CPEB1: variants seen among roughly 807,000 people sequenced by gnomAD.
CPEB1 encodes cytoplasmic polyadenylation element-binding protein 1.
Under a neutral mutation model 65.8 loss-of-function variants are expected in CPEB1, and 7 were observed. The observed-to-expected ratio is 0.11, with a 90% confidence interval of 0.06 to 0.20. CPEB1 has a LOEUF of 0.20. Ranked by LOEUF, CPEB1 falls within the 10% of genes least tolerant of loss-of-function variation. CPEB1 has a pLI of 1.00. For synonymous variants in CPEB1, 262 were observed against 260.0 expected (o/e 1.01, Z -0.08); for missense variants, 551 against 712.2 (o/e 0.77, Z 2.58).
intron 1 of CPEB1, among the ~76,000 whole-genome samples, chr15:82,642,775 A>C (rs2047211942): frequency 6.6e-6 from 1 of 152,212 alleles, no homozygotes; most frequent in South Asian, 2.1e-4. Flanking sequence ...GCACATTTGC[A>C]GAACAGGATG....
intron 3 of CPEB1, among the ~76,000 whole-genome samples, chr15:82,621,076 A>C (rs1265210639): frequency 6.6e-6 from 1 of 152,262 alleles, no homozygotes; most frequent in African/African-American, 2.4e-5. Flanking sequence ...TCATGAGAGT[A>C]ATTTCAATCA....
At position 82,573,102 on chromosome 15, in the gene CPEB1, C is replaced by T. The variant is rs1223351863; in HGVS notation, c.272-1570G>A. On this transcript the variant is annotated intron_variant, in intron 3 of 12. Coordinates refer to ENST00000684509, the MANE Select transcript of CPEB1 (RefSeq NM_001365242.1). The stretch of plus-strand genomic sequence containing the variant: ...TACGGGAAGCATGCCCACCTGGGAC[C>T]TCCCATGGCAGGGTCGAGAGAATAA... 2.6e-6 allele frequency: 4 copies of T among 1,535,600 alleles called. No individual in the cohort carries two copies. The Admixed American group carries it at 7.8e-5, about 30-fold the overall frequency.
chr15:82,554,021 G>A (rs2036747162), intron 6 of CPEB1, 30 bp from the exon 7 acceptor site: 1 of 1,385,462 alleles, frequency 7.2e-7, no homozygotes, highest in East Asian at 2.3e-5. Flanking sequence ...GATAAACAGG[G>A]GAGGTTAGAG....
At chr15:82,615,118 C>T (rs986170464) in intron 3 of CPEB1, among the ~76,000 whole-genome samples, 4 of 152,142 alleles carry the variant, frequency 2.6e-5, no homozygotes, top group African/African-American at 7.2e-5. Flanking sequence ...GTAAGTAGCA[C>T]GACCAGAATT....
chr15:82,622,969 G>A (rs1395474116), intron 3 of CPEB1, among the ~76,000 whole-genome samples: 1 of 152,192 alleles, frequency 6.6e-6, no homozygotes, highest in Non-Finnish European at 1.5e-5. Flanking sequence ...TGTGGTAGGA[G>A]GGACAGCTCT....
chr15:82,647,768 C>T (rs1440374164), upstream of CPEB1: 3 of 1,158,490 alleles, frequency 2.6e-6, no homozygotes, highest in East Asian at 3.4e-5. Flanking sequence ...GATGGGGGTA[C>T]CGCGGCGCCG....
At chr15:82,624,726 CA>C (rs1748316449) in intron 3 of CPEB1, among the ~76,000 whole-genome samples, 1 of 152,218 alleles carries the variant, frequency 6.6e-6, no homozygotes, top group Non-Finnish European at 1.5e-5. Flanking sequence ...TGAAGTCCAA[CA>C]CCTAGTATTA....
intron 5 of CPEB1, among the ~76,000 whole-genome samples, chr15:82,557,314 T>C (rs1164589383): frequency 6.6e-6 from 1 of 152,214 alleles, no homozygotes; most frequent in Admixed American, 6.5e-5. Context: ...CAGATCTGGA[T>C]TAAAATCCTA....
At chr15:82,612,910 C>A (rs964881472) in intron 3 of CPEB1, among the ~76,000 whole-genome samples, 3 of 151,916 alleles carry the variant, frequency 2.0e-5, no homozygotes, top group Non-Finnish European at 2.9e-5. Context: ...AAAAACTGTT[C>A]CTCAAAAAAA....
At chr15:82,605,358 T>G (rs984492290) in intron 3 of CPEB1, among the ~76,000 whole-genome samples, 8 of 152,178 alleles carry the variant, frequency 5.3e-5, no homozygotes, top group Admixed American at 4.6e-4. Context: ...TTGTCTTTTT[T>G]TTCTCCTATC....
intron 3 of CPEB1, among the ~76,000 whole-genome samples, chr15:82,577,429 T>C (rs183976460): frequency 6.6e-6 from 1 of 152,272 alleles, no homozygotes; most frequent in African/African-American, 2.4e-5. Context: ...ACAAAAACTA[T>C]TTTAAGTTTT....
rs1346407510 is a variant in CPEB1 at position 82,616,284 on chromosome 15, T to G, written c.271+10909A>C. Among the ~76,000 whole-genome samples, 11 of 152,242 alleles carry G rather than the reference T, an allele frequency of 7.2e-5. No homozygotes were observed. In the East Asian group the frequency reaches 1.2e-3, roughly 16 times the overall value. ...TAAACTGTGCATTTTCCTCAGTGTA[T>G]GTTTTATTTACATAAAAATGTAAAA... On this transcript the variant is annotated intron_variant, in intron 3 of 12. Coordinates refer to ENST00000684509, the MANE Select transcript of CPEB1 (RefSeq NM_001365242.1).
intron 3 of CPEB1, among the ~76,000 whole-genome samples, chr15:82,618,198 C>T (rs1321037678): frequency 6.6e-6 from 1 of 152,020 alleles, no homozygotes; most frequent in African/African-American, 2.4e-5. Context: ...TTTTGCATTC[C>T]TACCAGCAGT....
chr15:82,582,449 G>A (rs182510710), intron 3 of CPEB1, among the ~76,000 whole-genome samples: 6 of 152,186 alleles, frequency 3.9e-5, no homozygotes, highest in East Asian at 1.9e-4. Flanking sequence ...CAAATTCCTC[G>A]CCATCCCGTC....
intron 3 of CPEB1, among the ~76,000 whole-genome samples, chr15:82,574,775 G>C (rs1357020255): frequency 6.9e-6 from 1 of 144,420 alleles, no homozygotes; most frequent in African/African-American, 2.6e-5. Flanking sequence ...TCATGTACTG[G>C]AAGACTCAAC....
rs775645381 is a variant in CPEB1, at chr15:82,556,132, G to C, written c.688-10C>G. On this transcript the variant is annotated splice_polypyrimidine_tract_variant and intron_variant, in intron 5 of 12. Transcript: ENST00000684509. ...AAATGCGAAGGCTTGACTAGGGGAG[G>C]AAAAAGGAAGACAGGGTTTTAAAGG... 1.6e-5 allele frequency: 26 copies of C among 1,584,104 alleles called. No homozygotes were observed. Among genetic ancestry groups the C allele is most frequent in the Non-Finnish European group, 2.0e-5 (24 of 1,170,948 alleles).
intron 1 of CPEB1, among the ~76,000 whole-genome samples, chr15:82,643,003 T>C (rs185848534): frequency 2.3e-3 from 352 of 152,288 alleles, no homozygotes; most frequent in Middle Eastern, 0.01. Flanking sequence ...CTAAGGGACC[T>C]GAAACCAATG....
intron 3 of CPEB1, among the ~76,000 whole-genome samples, chr15:82,626,302 C>T (rs191553705): frequency 5.9e-5 from 9 of 151,664 alleles, no homozygotes; most frequent in Admixed American, 4.6e-4. Flanking sequence ...GGTGTGGTGG[C>T]GCGTGCCTGT....
intron 3 of CPEB1, among the ~76,000 whole-genome samples, chr15:82,623,374 A>G (rs768574287): frequency 2.0e-5 from 3 of 152,122 alleles, no homozygotes; most frequent in Non-Finnish European, 2.9e-5. Context: ...AGTGGGGAAA[A>G]GCATACAGAA....
Sources: gnomAD v4.1 joint callset for allele counts (sites outside exome capture counted in the v4.1 genomes callset) on GRCh38, gnomAD v4.1.1 for gene constraint, MANE v1.5 for transcripts, NCBI Gene and HGNC (gene_info 2026-07-23, HGNC 2026-07-21) for gene names.